Variants in BRD3OS observed in about 807,000 individuals in gnomAD.
The protein encoded by BRD3OS is BRD3 opposite strand, also known as uncharacterized protein BRD3OS.
Position 134,026,861 on chromosome 9 carries a change from G to A in BRD3OS, c.114G>A (p.Ser38=). ...IWQQQQQKLE[S]VPPGTYLSRS... ...AGCAGCAACAGCAGAAGTTGGAGTC[G>A]GTGCCACCTGGGACGTACCTGAGCA... Residue 38 remains serine (S), a synonymous_variant, in exon 3 of 3, where the codon TCG becomes TCA. Transcript: ENST00000603928. This position sits in a 1 kb window ranked among gnomAD's most constrained non-coding sequence, Gnocchi z 4.4. 1 of 398,928 alleles carries A rather than the reference G, an allele frequency of 2.5e-6. No individual in the cohort carries two copies. The allele number at this position is 398,928 out of a possible 1,614,324, so 24.7% of individuals were successfully genotyped here. A position where few individuals can be genotyped will look rare whatever the true frequency, so the allele number is the denominator to read the frequency against.
At position 134,030,991 on chromosome 9, in the gene BRD3OS, G is replaced by C. The variant is rs575758705; in HGVS notation, c.*3989G>C. The C allele has an allele frequency of 2.6e-5, 6 of 230,864 alleles. No individual in the cohort carries two copies. Among genetic ancestry groups the C allele is most frequent in the African/African-American group, 1.3e-4 (6 of 45,304 alleles). The allele number at this position is 230,864 out of a possible 1,614,324, so 14.3% of individuals were successfully genotyped here. A position where few individuals can be genotyped will look rare whatever the true frequency, so the allele number is the denominator to read the frequency against. On this transcript the variant is annotated 3_prime_UTR_variant, in exon 3 of 3. Transcript: ENST00000603928. The stretch of plus-strand genomic sequence containing the variant: ...GCCTTCTAATACAGAAGAAACGGAC[G>C]TGACTGTCACCCTCAGCCCGCCAGC...
chr9:134,028,582 T>G lies in BRD3OS; in HGVS notation c.*1580T>G, dbSNP rs113986664. 1 of 152,336 alleles carries G rather than the reference T, an allele frequency of 6.6e-6. No individual in the cohort carries two copies. Among genetic ancestry groups the G allele is most frequent in the East Asian group, 1.9e-4 (1 of 5,174 alleles). 9.4% of individuals were successfully genotyped at this position (152,336 alleles called of 1,614,324 possible). The stretch of plus-strand genomic sequence containing the variant: ...TTTTCTATTTTTAATAGAGACAAGG[T>G]TTCACCATGTTGGCCAGGCTGGTCT... On this transcript the variant is annotated 3_prime_UTR_variant, in exon 3 of 3. Coordinates refer to ENST00000603928, the MANE Select transcript of BRD3OS (RefSeq NM_001355256.2).
At position 134,025,506 on chromosome 9, in the gene BRD3OS, C is replaced by T. The variant is rs939981040; in HGVS notation, c.-817C>T. 1.3e-5 allele frequency: 2 copies of T among 151,842 alleles called. No individual in the cohort carries two copies. Among genetic ancestry groups the T allele is most frequent in the Non-Finnish European group, 2.9e-5 (2 of 68,052 alleles). The allele number at this position is 151,842 out of a possible 1,614,324, so 9.4% of individuals were successfully genotyped here. A position where few individuals can be genotyped will look rare whatever the true frequency, so the allele number is the denominator to read the frequency against. Reference sequence around the variant, plus strand: ...GGGAGCCCCGCAGTGCGTCGCGCCGCTGCCCGCATCTCCGAGGCCCGCGAC... The same window carrying T: ...GGGAGCCCCGCAGTGCGTCGCGCCGTTGCCCGCATCTCCGAGGCCCGCGAC... On this transcript the variant is annotated 5_prime_UTR_variant, in exon 1 of 3. Transcript: ENST00000603928.
In BRD3OS at chr9:134,026,568, C is replaced by T. The variant is rs937016942; in HGVS notation, c.-180C>T. The T allele has an allele frequency of 5.2e-6, 2 of 386,506 alleles. No homozygotes were observed. The highest frequency in any genetic ancestry group is 4.1e-5 in the African/African-American group (2 of 48,414). The allele number at this position is 386,506 out of a possible 1,614,324, so 23.9% of individuals were successfully genotyped here. ...CAGAATGGTGAGGCCGCCTCATTTC[C>T]TCACCACACAACCCTCCTGAGGACG... On this transcript the variant is annotated 5_prime_UTR_variant, in exon 3 of 3. Transcript: ENST00000603928. The surrounding 1 kb of genome is among the most constrained non-coding windows in gnomAD (Gnocchi z 4.4).
Position 134,031,543 on chromosome 9 carries a change from ATTT to A in BRD3OS, c.*4544_*4546del, listed in dbSNP as rs1433571053. 2 of 202,266 alleles carry A rather than the reference ATTT, an allele frequency of 9.9e-6. No homozygotes were observed. Among genetic ancestry groups the A allele is most frequent in the Admixed American group, 6.0e-5 (1 of 16,684 alleles). 12.5% of individuals were successfully genotyped at this position (202,266 alleles called of 1,614,324 possible). A position where few individuals can be genotyped will look rare whatever the true frequency, so the allele number is the denominator to read the frequency against. Reference sequence around the variant, plus strand: ...AATGGAAACTTTCAAATCCATTTATATTTTTATTATAAACAAAACTTAATTAAA... The same window carrying A: ...AATGGAAACTTTCAAATCCATTTATATTATTATAAACAAAACTTAATTAAA... On this transcript the variant is annotated 3_prime_UTR_variant, in exon 3 of 3. Coordinates refer to ENST00000603928, the MANE Select transcript of BRD3OS (RefSeq NM_001355256.2).
rs1053614438 is a variant in BRD3OS, at chr9:134,027,406, T to TAGC, written c.*412_*414dup. 6.4e-6 allele frequency: 1 copy of TAGC among 155,174 alleles called. No homozygotes were observed. Among genetic ancestry groups the TAGC allele is most frequent in the African/African-American group, 2.4e-5 (1 of 41,572 alleles). The allele number at this position is 155,174 out of a possible 1,614,324, so 9.6% of individuals were successfully genotyped here. On this transcript the variant is annotated 3_prime_UTR_variant, in exon 3 of 3. Coordinates refer to ENST00000603928, the MANE Select transcript of BRD3OS (RefSeq NM_001355256.2). ...TTTGTTTTTAGCATAAATGGCGGAG[T>TAGC]AGCAGCAGCATCTCACCAGGAGCTT...
Position 134,028,234 on chromosome 9 carries a change from C to T in BRD3OS, c.*1232C>T, listed in dbSNP as rs1281737884. 1 of 152,260 alleles carries T rather than the reference C, an allele frequency of 6.6e-6. No individual in the cohort carries two copies. The highest frequency in any genetic ancestry group is 1.5e-5 in the Non-Finnish European group (1 of 68,044). 9.4% of individuals were successfully genotyped at this position (152,260 alleles called of 1,614,324 possible). On this transcript the variant is annotated 3_prime_UTR_variant, in exon 3 of 3. Transcript: ENST00000603928. ...AGGCATAAAGCAAAGCACAAGTGCTCTCCGTGGGGAGAACCCGGCCGGCAG... is the reference window on the plus strand; with the variant it reads ...AGGCATAAAGCAAAGCACAAGTGCTTTCCGTGGGGAGAACCCGGCCGGCAG...
chr9:134,027,730 C>T lies in BRD3OS; in HGVS notation c.*728C>T, dbSNP rs1294202500. 6.6e-6 allele frequency: 1 copy of T among 152,124 alleles called. No individual in the cohort carries two copies. Among genetic ancestry groups the T allele is most frequent in the Admixed American group, 6.5e-5 (1 of 15,284 alleles). 9.4% of individuals were successfully genotyped at this position (152,124 alleles called of 1,614,324 possible). ...AAGCCCGCATTTATATTTTGAGTTACCAAAATGATCATCATCTGTGAAGCA... is the reference window on the plus strand; with the variant it reads ...AAGCCCGCATTTATATTTTGAGTTATCAAAATGATCATCATCTGTGAAGCA... On this transcript the variant is annotated 3_prime_UTR_variant, in exon 3 of 3. Coordinates refer to ENST00000603928, the MANE Select transcript of BRD3OS (RefSeq NM_001355256.2).
At position 134,028,128 on chromosome 9, in the gene BRD3OS, C is replaced by T. The variant is rs1459800718; in HGVS notation, c.*1126C>T. The T allele has an allele frequency of 6.6e-6, 1 of 152,236 alleles. No individual in the cohort carries two copies. The highest frequency in any genetic ancestry group is 1.5e-5 in the Non-Finnish European group (1 of 68,050). 9.4% of individuals were successfully genotyped at this position (152,236 alleles called of 1,614,324 possible). A position where few individuals can be genotyped will look rare whatever the true frequency, so the allele number is the denominator to read the frequency against. On this transcript the variant is annotated 3_prime_UTR_variant, in exon 3 of 3. Transcript: ENST00000603928. ...TCCCCTTCCTCACACTTATTTTTAT[C>T]CTTGTTCGTAATATCCTACTTGGCT...
In BRD3OS at chr9:134,030,721, AAAAC is replaced by A. The variant is rs775189804; in HGVS notation, c.*3725_*3728del. ...TGAGTGCTGCAAAAGAACAACAACAAAAACAAACACACAAAAAAATGTGTCTTAC... is the reference window on the plus strand; with the variant it reads ...TGAGTGCTGCAAAAGAACAACAACAAAAACACACAAAAAAATGTGTCTTAC... On this transcript the variant is annotated 3_prime_UTR_variant, in exon 3 of 3. Transcript: ENST00000603928. 1.2e-3 allele frequency: 285 copies of A among 231,912 alleles called. No homozygotes were observed. Among genetic ancestry groups the A allele is most frequent in the Admixed American group, 2.3e-3 (40 of 17,758 alleles). The allele number at this position is 231,912 out of a possible 1,614,324, so 14.4% of individuals were successfully genotyped here.
In BRD3OS at chr9:134,027,125, A is replaced by G; in HGVS notation, c.*123A>G. 2.5e-6 allele frequency: 1 copy of G among 396,032 alleles called. No homozygotes were observed. Among genetic ancestry groups the G allele is most frequent in the East Asian group, 3.6e-5 (1 of 27,998 alleles). 24.5% of individuals were successfully genotyped at this position (396,032 alleles called of 1,614,324 possible). On this transcript the variant is annotated 3_prime_UTR_variant, in exon 3 of 3. Coordinates refer to ENST00000603928, the MANE Select transcript of BRD3OS (RefSeq NM_001355256.2). ...TTTTGAATAATGAACGTGAAGATCA[A>G]ACTGTGGTGTAAGAACCCAAGAAGC...
rs918737181 is a variant in BRD3OS, at chr9:134,026,904, T to C, written c.157T>C (p.Tyr53His). 1.0e-5 allele frequency: 4 copies of C among 398,926 alleles called. No individual in the cohort carries two copies. The Admixed American group carries it at 1.8e-4, about 18-fold the overall frequency. The allele number at this position is 398,926 out of a possible 1,614,324, so 24.7% of individuals were successfully genotyped here. The change falls in exon 3 of 3, where the codon TAC becomes CAC. Residue 53 changes from tyrosine to histidine, a missense_variant. Physicochemically the swap from Tyr to His is moderately conservative, Grantham distance 83 (BLOSUM62 2). Transcript: ENST00000603928. The surrounding 1 kb of genome is among the most constrained non-coding windows in gnomAD (Gnocchi z 4.4). ...TYLSRSRSMW[Y>H]SQYGNEAILV... ...CCTGAGCAGGAGCCGAAGCATGTGG[T>C]ACTCACAGTATGGAAATGAGGCCAT...
intron 1 of BRD3OS, 131 bp from the exon 2 acceptor site, chr9:134,025,714 C>T (rs1181453549): frequency 6.6e-6 from 1 of 152,270 alleles, no homozygotes; most frequent in Non-Finnish European, 1.5e-5. Context: ...GCCCGGGAAG[C>T]TGAGGCTGAC....
Position 134,031,569 on chromosome 9 carries a change from A to G in BRD3OS, c.*4567A>G, listed in dbSNP as rs112255243. The G allele has an allele frequency of 6.8e-3, 1,417 of 206,994 alleles. 26 individuals are homozygous for G. Among genetic ancestry groups the G allele is most frequent in the African/African-American group, 0.03 (1,303 of 43,936 alleles). 12.8% of individuals were successfully genotyped at this position (206,994 alleles called of 1,614,324 possible). On this transcript the variant is annotated 3_prime_UTR_variant, in exon 3 of 3. Transcript: ENST00000603928. ...TTTTTATTATAAACAAAACTTAATT[A>G]AAAGTTTAACAAACTGGCTGAAAAC...
At position 134,026,670 on chromosome 9, in the gene BRD3OS, A is replaced by C; in HGVS notation, c.-78A>C. 1 of 397,902 alleles carries C rather than the reference A, an allele frequency of 2.5e-6. No homozygotes were observed. Among genetic ancestry groups the C allele is most frequent in the South Asian group, 1.4e-4 (1 of 7,156 alleles). 24.6% of individuals were successfully genotyped at this position (397,902 alleles called of 1,614,324 possible). On this transcript the variant is annotated 5_prime_UTR_variant, in exon 3 of 3. Transcript: ENST00000603928. This position sits in a 1 kb window ranked among gnomAD's most constrained non-coding sequence, Gnocchi z 4.4. Reference sequence around the variant, plus strand: ...GATCCTTAAGCCCCAAAGCTGGGAAAGCTGTCCGTTAATTTAGTGCGCGTG... The same window carrying C: ...GATCCTTAAGCCCCAAAGCTGGGAACGCTGTCCGTTAATTTAGTGCGCGTG...
chr9:134,026,732 C>G lies in BRD3OS; in HGVS notation c.-16C>G. ...AACAGCAGGGTTCCCAGGAGTCCAGCGGGACGGGGGAGGGGATGAGTGGCC... is the reference window on the plus strand; with the variant it reads ...AACAGCAGGGTTCCCAGGAGTCCAGGGGGACGGGGGAGGGGATGAGTGGCC... On this transcript the variant is annotated 5_prime_UTR_variant, in exon 3 of 3. Transcript: ENST00000603928. This position sits in a 1 kb window ranked among gnomAD's most constrained non-coding sequence, Gnocchi z 4.4. 2.5e-6 allele frequency: 1 copy of G among 398,744 alleles called. No homozygotes were observed. Among genetic ancestry groups the G allele is most frequent in the Non-Finnish European group, 4.4e-6 (1 of 226,082 alleles). 24.7% of individuals were successfully genotyped at this position (398,744 alleles called of 1,614,324 possible).
Position 134,031,276 on chromosome 9 carries a change from G to A in BRD3OS, c.*4274G>A, listed in dbSNP as rs141565554. 3.3e-5 allele frequency: 7 copies of A among 209,020 alleles called. No homozygotes were observed. The highest frequency in any genetic ancestry group is 9.1e-5 in the African/African-American group (4 of 43,898). The allele number at this position is 209,020 out of a possible 1,614,324, so 12.9% of individuals were successfully genotyped here. On this transcript the variant is annotated 3_prime_UTR_variant, in exon 3 of 3. Transcript: ENST00000603928. ...CCCCACAGCCGGCCGCTCCCCCGAC[G>A]GCTCACACAGGCAGCACCTCACTGC...
Position 134,026,659 on chromosome 9 carries a change from A to G in BRD3OS, c.-89A>G. 1 of 397,756 alleles carries G rather than the reference A, an allele frequency of 2.5e-6. No homozygotes were observed. The highest frequency in any genetic ancestry group is 4.4e-6 in the Non-Finnish European group (1 of 225,936). 24.6% of individuals were successfully genotyped at this position (397,756 alleles called of 1,614,324 possible). A position where few individuals can be genotyped will look rare whatever the true frequency, so the allele number is the denominator to read the frequency against. On this transcript the variant is annotated 5_prime_UTR_variant, in exon 3 of 3. Coordinates refer to ENST00000603928, the MANE Select transcript of BRD3OS (RefSeq NM_001355256.2). This position sits in a 1 kb window ranked among gnomAD's most constrained non-coding sequence, Gnocchi z 4.4. ...GTTAAACGAGGGATCCTTAAGCCCCAAAGCTGGGAAAGCTGTCCGTTAATT... is the reference window on the plus strand; with the variant it reads ...GTTAAACGAGGGATCCTTAAGCCCCGAAGCTGGGAAAGCTGTCCGTTAATT...
rs1588263318 is a variant in BRD3OS, at chr9:134,027,128, T to G, written c.*126T>G. ...TGAATAATGAACGTGAAGATCAAAC[T>G]GTGGTGTAAGAACCCAAGAAGCGCA... On this transcript the variant is annotated 3_prime_UTR_variant, in exon 3 of 3. Transcript: ENST00000603928. 20 of 395,738 alleles carry G rather than the reference T, an allele frequency of 5.1e-5. No homozygotes were observed. In the East Asian group the frequency reaches 6.1e-4, roughly 12 times the overall value. The allele number at this position is 395,738 out of a possible 1,614,324, so 24.5% of individuals were successfully genotyped here. A position where few individuals can be genotyped will look rare whatever the true frequency, so the allele number is the denominator to read the frequency against.
Sources: gnomAD v4.1 joint callset for allele counts on GRCh38, gnomAD v4.1.1 for gene constraint, Gnocchi (gnomAD v3.1) non-coding constraint, MANE v1.5 for transcripts, NCBI Gene and HGNC (gene_info 2026-07-23, HGNC 2026-07-21) for gene names.